APOO: variants seen among roughly 807,000 people sequenced by gnomAD.
APOO encodes MICOS complex subunit MIC26.
A neutral mutation model predicts 23.1 loss-of-function variants in APOO; 11 were observed. That is an observed-to-expected ratio of 0.48 (90% CI 0.30 to 0.79). APOO has a LOEUF of 0.79. APOO is among the 30% of genes least tolerant of loss of function. The pLI, the probability that APOO is intolerant of heterozygous loss-of-function variation, is 0.07. For missense variants in APOO, 160 were observed against 142.7 expected, an observed-to-expected ratio of 1.12 and a Z score of -0.62; for synonymous variants, 59 against 54.8, an observed-to-expected ratio of 1.08 and a Z score of -0.34.
intron 5 of APOO, among the ~76,000 whole-genome samples, chrX:23,861,112 C>G (rs1925003020): frequency 9.0e-6 from 1 of 111,071 alleles, no homozygotes; most frequent in Non-Finnish European, 1.9e-5. Flanking sequence ...TGCACTCCAG[C>G]CTGGGTGATA....
rs754305663 is a variant in APOO, at chrX:23,841,821, G to A, written c.562-1444C>T. 4.5e-5 allele frequency among the ~76,000 whole-genome samples: 5 copies of A among 110,626 alleles called. No individual in the cohort carries two copies. The East Asian group carries it at 1.1e-3, about 25-fold the overall frequency. ...GCTCGAAATTGACAAACTCCCTACT[G>A]GGACAAGACCTTTGCAAAATATACC... On this transcript the variant is annotated intron_variant, in intron 7 of 8. Transcript: ENST00000379226.
rs781646605 is a variant in APOO, at chrX:23,847,629, A to G, written c.562-7252T>C. On this transcript the variant is annotated intron_variant, in intron 7 of 8. Transcript: ENST00000379226. ...CGACAGTGCGAGACTCCATCTCAAA[A>G]AAAAGAAAAGAAAAGAAAAGAAACA... is the stretch of plus-strand genomic sequence containing the variant. Among the ~76,000 whole-genome samples, 558 of 108,442 alleles carry G rather than the reference A, an allele frequency of 5.1e-3. 4 individuals are homozygous for G. Among genetic ancestry groups the G allele is most frequent in the African/African-American group, 0.018 (535 of 29,829 alleles). 94.2% of individuals were successfully genotyped at this position (108,442 alleles called of 115,157 possible). A position where few individuals can be genotyped will look rare whatever the true frequency, so the allele number is the denominator to read the frequency against.
At chrX:23,847,023 T>C in intron 7 of APOO, among the ~76,000 whole-genome samples, 1 of 109,056 alleles carries the variant, frequency 9.2e-6, no homozygotes, top group East Asian at 2.8e-4. Context: ...ATGACCCATA[T>C]AAAAAGTGGC....
chrX:23,890,809 A>G (rs1237596135), intron 1 of APOO, among the ~76,000 whole-genome samples: 1 of 111,959 alleles, frequency 8.9e-6, no homozygotes, highest in East Asian at 2.8e-4. Context: ...TTTTCAACTT[A>G]TGATAGGTTT....
chrX:23,876,189 A>G lies in APOO; in HGVS notation c.238-1732T>C, dbSNP rs1411342588. ...TGAGGCAGGAGAATGGCGTGAACCC[A>G]GAGGCGGTGCTTGCGGTGAGCCGAG... On this transcript the variant is annotated intron_variant, in intron 3 of 8. Coordinates refer to ENST00000379226, the MANE Select transcript of APOO (RefSeq NM_024122.5). 3.4e-4 allele frequency among the ~76,000 whole-genome samples: 38 copies of G among 110,802 alleles called. No homozygotes were observed. The Admixed American group carries it at 3.7e-3, about 11-fold the overall frequency.
In APOO at chrX:23,849,583, T is replaced by TAAAAAAAAAAAAAAAAAAAAAAAAAAAA. The variant is rs143362355; in HGVS notation, c.561+6718_561+6719insTTTTTTTTTTTTTTTTTTTTTTTTTTTT. The stretch of plus-strand genomic sequence containing the variant: ...GGGAGCCTGTAGATTAAGAGAGACT[T>TAAAAAAAAAAAAAAAAAAAAAAAAAAAA]AAAAAAAAAAAAAAAAAAAAAAAAA... On this transcript the variant is annotated intron_variant, in intron 7 of 8. Transcript: ENST00000379226. Among the ~76,000 whole-genome samples, 8 of 32,595 alleles carry TAAAAAAAAAAAAAAAAAAAAAAAAAAAA rather than the reference T, an allele frequency of 2.5e-4. 1 individual carries two copies. The highest frequency in any genetic ancestry group is 4.1e-4 in the Non-Finnish European group (8 of 19,535). The allele number at this position is 32,595 out of a possible 115,157, so 28.3% of individuals were successfully genotyped here.
At chrX:23,899,129 G>A (rs866659670) in intron 1 of APOO, among the ~76,000 whole-genome samples, 1 of 112,006 alleles carries the variant, frequency 8.9e-6, no homozygotes, top group African/African-American at 3.2e-5. Context: ...GTCCTTAAGC[G>A]GGAGCCAGTG....
chrX:23,887,051 T>C (rs1209957620), intron 1 of APOO, among the ~76,000 whole-genome samples: 1 of 108,290 alleles, frequency 9.2e-6, no homozygotes, highest in Non-Finnish European at 1.9e-5. Context: ...TGGGACATAA[T>C]AAAAAAAAAT....
At chrX:23,876,420 CAAA>C (rs765596295) in intron 3 of APOO, among the ~76,000 whole-genome samples, 1 of 43,325 alleles carries the variant, frequency 2.3e-5, no homozygotes. Context: ...TTGTCTCTAC[CAAA>C]AAAAAAAAAA....
At chrX:23,881,815 G>A (rs1352402723) in intron 1 of APOO, among the ~76,000 whole-genome samples, 1 of 103,334 alleles carries the variant, frequency 9.7e-6, no homozygotes, top group Non-Finnish European at 2.0e-5. Flanking sequence ...GGGCGTGGTG[G>A]CGGGCACCTG....
chrX:23,871,366 A>T (rs1209009338), intron 4 of APOO, among the ~76,000 whole-genome samples: 2 of 108,586 alleles, frequency 1.8e-5, no homozygotes, highest in East Asian at 5.7e-4. Context: ...CCGTCTCAAA[A>T]AAAAAAAAAA....
At chrX:23,886,104 C>T (rs771913469) in intron 1 of APOO, among the ~76,000 whole-genome samples, 10 of 111,439 alleles carry the variant, frequency 9.0e-5, no homozygotes, top group Non-Finnish European at 1.5e-4. Flanking sequence ...GCACCTCCTC[C>T]CAGTCACGAC....
At chrX:23,843,579 C>CT (rs747271141) in intron 7 of APOO, among the ~76,000 whole-genome samples, 722 of 61,575 alleles carry the variant, frequency 0.012, 3 homozygotes, top group Non-Finnish European at 0.017. Context: ...ATGACAATTT[C>CT]TTTTTTTTTT....
rs918151626 is a variant in APOO, at chrX:23,842,970, T to C, written c.562-2593A>G. On this transcript the variant is annotated intron_variant, in intron 7 of 8. Coordinates refer to ENST00000379226, the MANE Select transcript of APOO (RefSeq NM_024122.5). Reference sequence around the variant, plus strand: ...TTGCAGTGAGCCAAGATCACGCCATTGCACTCCAGCCTGGGCAACAAGAGT... The same window carrying C: ...TTGCAGTGAGCCAAGATCACGCCATCGCACTCCAGCCTGGGCAACAAGAGT... Among the ~76,000 whole-genome samples the C allele has an allele frequency of 1.5e-4, 17 of 111,942 alleles. No individual in the cohort carries two copies. The Admixed American group carries it at 1.6e-3, about 11-fold the overall frequency.
intron 7 of APOO, among the ~76,000 whole-genome samples, chrX:23,845,839 T>C (rs902968224): frequency 2.7e-5 from 3 of 112,335 alleles, no homozygotes; most frequent in East Asian, 2.8e-4. Context: ...AGTTTTCACA[T>C]TGGTAACAGG....
At chrX:23,887,577 T>C (rs112213936) in intron 1 of APOO, among the ~76,000 whole-genome samples, 1,148 of 111,042 alleles carry the variant, frequency 0.01, 10 homozygotes, top group Non-Finnish European at 0.017. Flanking sequence ...CTAGACTGCA[T>C]GTACCCACGC....
intron 1 of APOO, among the ~76,000 whole-genome samples, chrX:23,902,321 C>T (rs1034982519): frequency 1.8e-5 from 2 of 111,150 alleles, no homozygotes; most frequent in African/African-American, 6.6e-5. Context: ...AGTTCCTGGA[C>T]GCCAACTAAA....
At chrX:23,863,340 AAAAAG>A (rs947619429) in intron 5 of APOO, among the ~76,000 whole-genome samples, 2 of 112,332 alleles carry the variant, frequency 1.8e-5, no homozygotes, top group South Asian at 3.7e-4. Context: ...CGTCTCAAAA[AAAAAG>A]AAAAGACTTC....
chrX:23,856,408 AC>A (rs766852993), intron 6 of APOO, 26 bp from the exon 7 acceptor site: 2 of 1,111,293 alleles, frequency 1.8e-6, no homozygotes, highest in East Asian at 6.0e-5. Flanking sequence ...AAAAGATCTT[AC>A]CATCTGACCC....
Sources: allele counts gnomAD v4.1 joint callset (sites outside exome capture counted in the v4.1 genomes callset), GRCh38; gene constraint gnomAD v4.1.1; transcripts MANE v1.5; gene names NCBI Gene and HGNC (gene_info 2026-07-23, HGNC 2026-07-21).